PTPRN2: variants seen among roughly 807,000 people sequenced by gnomAD.
PTPRN2 encodes the protein protein tyrosine phosphatase receptor type N2.
PTPRN2 carries 74 observed loss-of-function variants against 118.8 expected under a neutral mutation model. That is an observed-to-expected ratio of 0.62 (90% confidence interval 0.52 to 0.76). The LOEUF is 0.76. Ranked by LOEUF, PTPRN2 falls within the 30% of genes least tolerant of loss-of-function variation. The probability of loss-of-function intolerance (pLI) is 0.00; values close to 1 mark genes in which losing one functional copy is unlikely to be tolerated. For synonymous variants in PTPRN2, 641 were observed against 608.0 expected, an observed-to-expected ratio of 1.05 and a Z score of -0.80; for missense variants, 1,481 against 1,394.4, an observed-to-expected ratio of 1.06 and a Z score of -0.99.
intron 2 of PTPRN2, among the ~76,000 whole-genome samples, chr7:158,340,481 C>T (rs1455236306): frequency 8.7e-6 from 1 of 114,286 alleles, no homozygotes; most frequent in Non-Finnish European, 1.9e-5. Flanking sequence ...ACACTCTCAC[C>T]ATAATAGGTG....
chr7:157,975,761 T>C (rs1426170832), intron 11 of PTPRN2, among the ~76,000 whole-genome samples: 2 of 152,104 alleles, frequency 1.3e-5, no homozygotes, highest in Admixed American at 1.3e-4. Context: ...TTACCTTTTT[T>C]TTTTTCCATT....
chr7:157,679,380 G>A (rs934691068), intron 13 of PTPRN2, among the ~76,000 whole-genome samples: 1 of 152,114 alleles, frequency 6.6e-6, no homozygotes. Context: ...ATTAAACTTG[G>A]CTGGATTATC....
rs556678795 is a variant in PTPRN2, at chr7:158,153,906, A to T, written c.910+13025T>A. On this transcript the variant is annotated intron_variant, in intron 6 of 22. Transcript: ENST00000389418. The stretch of plus-strand genomic sequence containing the variant: ...GGGCACCCTGGGTGTGCTCGCTCGG[A>T]AGGCAGGTACAGCAGGGTCTGCCAA... 3.1e-3 allele frequency among the ~76,000 whole-genome samples: 467 copies of T among 151,516 alleles called. 2 individuals carry two copies. Among genetic ancestry groups the T allele is most frequent in the African/African-American group, 0.011 (445 of 41,310 alleles).
chr7:158,045,906 A>G (rs57682461), intron 11 of PTPRN2, among the ~76,000 whole-genome samples: 3,918 of 73,074 alleles, frequency 0.054, 90 homozygotes, highest in African/African-American at 0.082. Context: ...TGCGATCCTG[A>G]CGTCCTGACA....
At chr7:157,699,015 C>G (rs1797943159) in intron 12 of PTPRN2, among the ~76,000 whole-genome samples, 1 of 152,106 alleles carries the variant, frequency 6.6e-6, no homozygotes, top group African/African-American at 2.4e-5. Flanking sequence ...GAAGAATAAC[C>G]AGGTCATCTC....
intron 2 of PTPRN2, among the ~76,000 whole-genome samples, chr7:158,331,204 C>T (rs1586300072): frequency 6.8e-6 from 1 of 147,908 alleles, no homozygotes; most frequent in South Asian, 2.2e-4. Flanking sequence ...GTCACTCACA[C>T]CCACACTCTC....
intron 1 of PTPRN2, among the ~76,000 whole-genome samples, chr7:158,523,665 G>GTCTGCCCTGGAGCGGAGTCA (rs1824464070): frequency 9.8e-6 from 1 of 101,978 alleles, no homozygotes; most frequent in Admixed American, 1.2e-4. Flanking sequence ...GAGTGGAGTC[G>GTCTGCCCTGGAGCGGAGTCA]TCTGCCCTGG....
intron 2 of PTPRN2, among the ~76,000 whole-genome samples, chr7:158,329,816 C>G (rs1038160554): frequency 3.3e-5 from 5 of 152,118 alleles, no homozygotes; most frequent in African/African-American, 1.2e-4. Context: ...CTTCACCGCT[C>G]GAGGCTGTGT....
chr7:157,883,691 C>A (rs554013745), intron 12 of PTPRN2, among the ~76,000 whole-genome samples: 1 of 142,758 alleles, frequency 7.0e-6, no homozygotes, highest in South Asian at 2.3e-4. Context: ...AAATGACTGT[C>A]AGAGACCAGA....
chr7:158,205,992 G>T (rs567997675), intron 3 of PTPRN2, among the ~76,000 whole-genome samples: 1 of 152,120 alleles, frequency 6.6e-6, no homozygotes, highest in Admixed American at 6.5e-5. Flanking sequence ...AAACTTGAAG[G>T]CTGCCTATGA....
intron 12 of PTPRN2, among the ~76,000 whole-genome samples, chr7:157,693,725 G>A (rs1359460222): frequency 6.6e-6 from 1 of 152,060 alleles, no homozygotes; most frequent in East Asian, 1.9e-4. Context: ...GGGCCCTGGC[G>A]CACCCTCCCC....
At chr7:157,959,536 T>G (rs965414868) in intron 11 of PTPRN2, among the ~76,000 whole-genome samples, 2 of 152,164 alleles carry the variant, frequency 1.3e-5, no homozygotes, top group African/African-American at 4.8e-5. Flanking sequence ...AGGATTGGAA[T>G]AGACATTTCT....
chr7:158,120,331 G>T (rs1817057123), intron 9 of PTPRN2, among the ~76,000 whole-genome samples: 1 of 152,178 alleles, frequency 6.6e-6, no homozygotes, highest in African/African-American at 2.4e-5. Flanking sequence ...GGGTAAGACA[G>T]TAAACTTTAT....
At chr7:158,359,843 T>C (rs943010363) in intron 2 of PTPRN2, among the ~76,000 whole-genome samples, 2 of 152,034 alleles carry the variant, frequency 1.3e-5, no homozygotes, top group African/African-American at 2.4e-5. Context: ...ATGGCCTTCT[T>C]CCTCTGACAG....
At chr7:158,514,559 G>A (rs963731001) in intron 1 of PTPRN2, among the ~76,000 whole-genome samples, 3 of 152,124 alleles carry the variant, frequency 2.0e-5, no homozygotes, top group Non-Finnish European at 4.4e-5. Context: ...AGGTGATGGC[G>A]ATGCCTCCCA....
intron 3 of PTPRN2, among the ~76,000 whole-genome samples, chr7:158,229,827 A>G (rs1364628951): frequency 1.3e-5 from 2 of 152,154 alleles, no homozygotes; most frequent in Non-Finnish European, 2.9e-5. Flanking sequence ...AAGCTTACTC[A>G]AAGAAACAAT....
intron 2 of PTPRN2, among the ~76,000 whole-genome samples, chr7:158,442,429 C>T (rs1817416620): frequency 6.6e-6 from 1 of 152,064 alleles, no homozygotes; most frequent in South Asian, 2.1e-4. Flanking sequence ...TGCAACCTAC[C>T]TTTTCTCCAC....
chr7:158,220,871 C>G (rs1339076289), intron 3 of PTPRN2, among the ~76,000 whole-genome samples: 1 of 145,356 alleles, frequency 6.9e-6, no homozygotes. Context: ...TTATAAAATT[C>G]ATATGGATCC....
At chr7:158,523,550 C>T (rs570881555) in intron 1 of PTPRN2, among the ~76,000 whole-genome samples, 10 of 55,752 alleles carry the variant, frequency 1.8e-4, no homozygotes, top group Admixed American at 1.3e-3. Flanking sequence ...GGAATGGAGT[C>T]CTCTGCCCTG....
Sources: gnomAD v4.1 joint callset for allele counts (sites outside exome capture counted in the v4.1 genomes callset) on GRCh38, gnomAD v4.1.1 for gene constraint, MANE v1.5 for transcripts, NCBI Gene and HGNC (gene_info 2026-07-23, HGNC 2026-07-21) for gene names.